Variants in FGGY observed in about 807,000 individuals in gnomAD.
FGGY encodes FGGY carbohydrate kinase domain-containing protein.
A neutral mutation model predicts 71.3 loss-of-function variants in FGGY; 72 were observed. The observed-to-expected ratio is 1.01, with a 90% CI of 0.84 to 1.23. The LOEUF is 1.23. Among genes scored for constraint, FGGY ranks in the 50% most tolerant of loss-of-function variants. The pLI, the probability that FGGY is intolerant of heterozygous loss-of-function variation, is 0.00. For synonymous variants in FGGY, 251 were observed against 250.3 expected, an observed-to-expected ratio of 1.00 and a Z score of -0.02; for missense variants, 668 against 682.3, an observed-to-expected ratio of 0.98 and a Z score of 0.23.
At chr1:59,462,549 A>G (rs1054525932) in intron 6 of FGGY, among the ~76,000 whole-genome samples, 1 of 152,350 alleles carries the variant, frequency 6.6e-6, no homozygotes, top group South Asian at 2.1e-4. Context: ...AAATTTTCGC[A>G]ACCTACTTAT....
chr1:59,600,982 C>CTTTTTTTTTTTT (rs377505663), intron 8 of FGGY, among the ~76,000 whole-genome samples: 1 of 127,044 alleles, frequency 7.9e-6, no homozygotes, highest in African/African-American at 3.0e-5. Context: ...ATTCTCTATG[C>CTTTTTTTTTTTT]TTTTTTTTTT....
rs557798472 is a variant in FGGY at position 59,518,875 on chromosome 1, G to A, written c.799+6436G>A. ...TTCAGGTATTCCTTTATAGCAATGCGAGAATGGACTAATACAAAACACATC... is the reference window on the plus strand; with the variant it reads ...TTCAGGTATTCCTTTATAGCAATGCAAGAATGGACTAATACAAAACACATC... On this transcript the variant is annotated intron_variant, in intron 7 of 15. Transcript: ENST00000303721. 3.3e-5 allele frequency among the ~76,000 whole-genome samples: 5 copies of A among 152,238 alleles called. No homozygotes were observed. In the South Asian group the frequency reaches 1.0e-3, roughly 32 times the overall value.
intron 11 of FGGY, among the ~76,000 whole-genome samples, chr1:59,642,025 G>T (rs1352642290): frequency 2.0e-5 from 3 of 152,072 alleles, no homozygotes; most frequent in African/African-American, 7.2e-5. Context: ...CACTCTTTCA[G>T]TTCATTCCAT....
At chr1:59,758,745 A>G (rs1484575487) in intron 15 of FGGY, among the ~76,000 whole-genome samples, 1 of 152,258 alleles carries the variant, frequency 6.6e-6, no homozygotes, top group Non-Finnish European at 1.5e-5. Flanking sequence ...TCAGGTTACT[A>G]TAAACAACTC....
At chr1:59,487,976 A>C (rs1319649498) in intron 6 of FGGY, among the ~76,000 whole-genome samples, 2 of 152,194 alleles carry the variant, frequency 1.3e-5, no homozygotes, top group African/African-American at 4.8e-5. Flanking sequence ...CAATTTCAGC[A>C]CTCTGATACA....
intron 11 of FGGY, among the ~76,000 whole-genome samples, chr1:59,656,526 C>T (rs1388294365): frequency 6.6e-6 from 1 of 152,160 alleles, no homozygotes; most frequent in African/African-American, 2.4e-5. Context: ...ATTAAATGGA[C>T]TTAACGATCA....
chr1:59,489,414 A>G (rs1209413513), intron 6 of FGGY, among the ~76,000 whole-genome samples: 1 of 151,930 alleles, frequency 6.6e-6, no homozygotes, highest in African/African-American at 2.4e-5. Context: ...TCTACTTTTT[A>G]CTTCTATGAG....
chr1:59,705,089 A>T (rs2097745926), intron 14 of FGGY, among the ~76,000 whole-genome samples: 1 of 151,772 alleles, frequency 6.6e-6, no homozygotes, highest in Admixed American at 6.6e-5. Flanking sequence ...TCTTTTCTTC[A>T]TTTTCCTATA....
intron 14 of FGGY, among the ~76,000 whole-genome samples, chr1:59,678,962 C>T (rs547338165): frequency 3.6e-4 from 55 of 152,304 alleles, no homozygotes; most frequent in Non-Finnish European, 6.0e-4. Flanking sequence ...AAACCACTGA[C>T]TCCATGCACT....
intron 8 of FGGY, among the ~76,000 whole-genome samples, chr1:59,582,369 T>C (rs72666246): frequency 0.031 from 4,684 of 150,310 alleles, 238 homozygotes; most frequent in South Asian, 0.097. Flanking sequence ...GTTATTCTTC[T>C]CCTTTTGCAC....
At chr1:59,429,362 A>G (rs537936575) in intron 5 of FGGY, among the ~76,000 whole-genome samples, 2 of 152,328 alleles carry the variant, frequency 1.3e-5, no homozygotes, top group Admixed American at 6.5e-5. Context: ...ATATTTCTTT[A>G]TAGAAAGAGT....
chr1:59,749,651 C>A (rs2098228876), intron 14 of FGGY, among the ~76,000 whole-genome samples: 1 of 152,094 alleles, frequency 6.6e-6, no homozygotes, highest in African/African-American at 2.4e-5. Context: ...CCAATACACA[C>A]CCCTGGCCAC....
chr1:59,641,743 C>G (rs139622768), intron 11 of FGGY, among the ~76,000 whole-genome samples: 1 of 152,150 alleles, frequency 6.6e-6, no homozygotes, highest in African/African-American at 2.4e-5. Context: ...ACTAGGAAAA[C>G]TAGAATTGGT....
chr1:59,680,534 T>A (rs1266228210), intron 14 of FGGY: 1 of 151,116 alleles, frequency 6.6e-6, no homozygotes, highest in Non-Finnish European at 1.5e-5. Flanking sequence ...CAGGTTCTGA[T>A]TAATTATAAA....
At chr1:59,661,603 G>A (rs1307337219) in intron 12 of FGGY, among the ~76,000 whole-genome samples, 1 of 152,128 alleles carries the variant, frequency 6.6e-6, no homozygotes, top group African/African-American at 2.4e-5. Context: ...GAAAAAAAGT[G>A]TGCATCAGTA....
intron 5 of FGGY, among the ~76,000 whole-genome samples, chr1:59,402,152 A>G (rs1240915443): frequency 6.6e-6 from 1 of 152,246 alleles, no homozygotes; most frequent in Non-Finnish European, 1.5e-5. Flanking sequence ...AAGTCAGGAC[A>G]TGATGGACAA....
At position 59,566,770 on chromosome 1, in the gene FGGY, T is replaced by C. The variant is rs531638240; in HGVS notation, c.903+12543T>C. Among the ~76,000 whole-genome samples the C allele has an allele frequency of 3.3e-5, 5 of 152,180 alleles. No individual in the cohort carries two copies. In the South Asian group the frequency reaches 1.0e-3, roughly 32 times the overall value. ...CTGACAGTGATACTGTCATGTATGT[T>C]GTAAATCTTTTTGTTGAAAGATAAT... On this transcript the variant is annotated intron_variant, in intron 8 of 15. Transcript: ENST00000303721.
chr1:59,465,790 A>C (rs997848691), intron 6 of FGGY, among the ~76,000 whole-genome samples: 2 of 152,214 alleles, frequency 1.3e-5, no homozygotes, highest in Non-Finnish European at 2.9e-5. Flanking sequence ...TAGAAATCCA[A>C]CTTACAAAGG....
intron 5 of FGGY, among the ~76,000 whole-genome samples, chr1:59,424,599 G>A (rs1262477847): frequency 6.6e-6 from 1 of 152,160 alleles, no homozygotes; most frequent in Admixed American, 6.5e-5. Flanking sequence ...AAGAAAATAT[G>A]CAATTTAGTT....
Sources: gnomAD v4.1 joint callset for allele counts (sites outside exome capture counted in the v4.1 genomes callset) on GRCh38, gnomAD v4.1.1 for gene constraint, MANE v1.5 for transcripts, NCBI Gene and HGNC (gene_info 2026-07-23, HGNC 2026-07-21) for gene names.